Variants in MIPEP observed in about 807,000 individuals in gnomAD.
MIPEP encodes the protein mitochondrial intermediate peptidase.
In MIPEP, 79 loss-of-function variants were observed where a neutral mutation model predicts 90.3. The observed-to-expected ratio is 0.87, with a 90% CI of 0.73 to 1.05. The LOEUF (loss-of-function observed/expected upper bound fraction) is 1.05. Among genes scored for constraint, MIPEP ranks in the 50% least tolerant of loss-of-function variants. The pLI, the probability that MIPEP is intolerant of heterozygous loss-of-function variation, is 0.00. For missense variants in MIPEP, 940 were observed against 905.6 expected (o/e 1.04, Z -0.49); for synonymous variants, 334 against 315.8 (o/e 1.06, Z -0.61).
chr13:23,746,956 C>T (rs1323175253), intron 18 of MIPEP, among the ~76,000 whole-genome samples: 1 of 152,188 alleles, frequency 6.6e-6, no homozygotes. Context: ...TTAGAGAAAA[C>T]TGTCAAAACA....
chr13:23,787,035 G>A (rs1327865100), intron 16 of MIPEP, among the ~76,000 whole-genome samples: 1 of 152,164 alleles, frequency 6.6e-6, no homozygotes, highest in East Asian at 1.9e-4. Context: ...GACAAACCAG[G>A]GGTGATGGGA....
At chr13:23,829,746 C>T (rs1466033427) in intron 14 of MIPEP, among the ~76,000 whole-genome samples, 3 of 151,988 alleles carry the variant, frequency 2.0e-5, no homozygotes, top group Non-Finnish European at 2.9e-5. Flanking sequence ...GTTTGAGGGG[C>T]CAGCCTGGGC....
intron 18 of MIPEP, among the ~76,000 whole-genome samples, chr13:23,732,885 T>C (rs1386480188): frequency 1.3e-5 from 2 of 152,204 alleles, no homozygotes; most frequent in Non-Finnish European, 2.9e-5. Flanking sequence ...GAAAGGTACA[T>C]TTGAGATTTT....
chr13:23,860,521 G>A (rs1003669927), intron 9 of MIPEP, among the ~76,000 whole-genome samples: 2 of 152,188 alleles, frequency 1.3e-5, no homozygotes, highest in Non-Finnish European at 2.9e-5. Flanking sequence ...GCTAGAGAAG[G>A]AGGCAAGGGC....
intron 16 of MIPEP, among the ~76,000 whole-genome samples, chr13:23,791,704 T>C (rs1952899569): frequency 1.1e-5 from 1 of 90,404 alleles, no homozygotes; most frequent in Non-Finnish European, 2.1e-5. Context: ...ATGAAATCAG[T>C]CAGTCAAGCA....
intron 16 of MIPEP, among the ~76,000 whole-genome samples, chr13:23,768,503 C>G (rs112174973): frequency 1.3e-5 from 2 of 152,252 alleles, no homozygotes; most frequent in Admixed American, 1.3e-4. Context: ...ATTGCTTGAG[C>G]CCAGGAATTT....
rs190339838 is a variant in MIPEP at position 23,797,111 on chromosome 13, G to T, written c.1848+8839C>A. Reference sequence around the variant, plus strand: ...TGGGTTTTGCTGGTACTTGAGAAAAGGCTGTTCCAATGAGAACATCATGCC... The same window carrying T: ...TGGGTTTTGCTGGTACTTGAGAAAATGCTGTTCCAATGAGAACATCATGCC... On this transcript the variant is annotated intron_variant, in intron 16 of 18. Coordinates refer to ENST00000382172, the MANE Select transcript of MIPEP (RefSeq NM_005932.4). Among the ~76,000 whole-genome samples the T allele has an allele frequency of 7.6e-4, 116 of 152,226 alleles. 1 individual carries two copies. The highest frequency in any genetic ancestry group is 3.4e-3 in the Middle Eastern group (1 of 294).
intron 10 of MIPEP, among the ~76,000 whole-genome samples, chr13:23,852,005 G>C (rs1263691687): frequency 2.6e-5 from 4 of 152,236 alleles, no homozygotes; most frequent in Admixed American, 2.0e-4. Context: ...CTAGTGAAAT[G>C]ATGCCACAAG....
At position 23,870,776 on chromosome 13, in the gene MIPEP, G is replaced by A. The variant is rs530040306; in HGVS notation, c.604-581C>T. Among the ~76,000 whole-genome samples, 4 of 152,274 alleles carry A rather than the reference G, an allele frequency of 2.6e-5. No individual in the cohort carries two copies. The East Asian group carries it at 5.8e-4, about 22-fold the overall frequency. ...GCCGAGATCGCACCACTGTACTCCAGCCTGTGAGACAGAGGGAGACTCTGT... is the reference window on the plus strand; with the variant it reads ...GCCGAGATCGCACCACTGTACTCCAACCTGTGAGACAGAGGGAGACTCTGT... On this transcript the variant is annotated intron_variant, in intron 5 of 18. Coordinates refer to ENST00000382172, the MANE Select transcript of MIPEP (RefSeq NM_005932.4).
intron 14 of MIPEP, among the ~76,000 whole-genome samples, chr13:23,833,145 TTTCC>T (rs1389515394): frequency 6.6e-6 from 1 of 152,224 alleles, no homozygotes; most frequent in Non-Finnish European, 1.5e-5. Context: ...CCTGTTATTT[TTTCC>T]TTGTGAGATT....
At chr13:23,806,720 CTAT>C (rs1566000362) in intron 15 of MIPEP, among the ~76,000 whole-genome samples, 1 of 104,768 alleles carries the variant, frequency 9.5e-6, no homozygotes, top group African/African-American at 4.8e-5. Flanking sequence ...AAATCTATAT[CTAT>C]CTATCTATCT....
chr13:23,848,794 T>A (rs1198805911), intron 10 of MIPEP, among the ~76,000 whole-genome samples: 1 of 152,094 alleles, frequency 6.6e-6, no homozygotes, highest in East Asian at 1.9e-4. Flanking sequence ...GCCTCAGCCA[T>A]CCAGAGCGAG....
chr13:23,826,454 G>C (rs1158258914), intron 14 of MIPEP, among the ~76,000 whole-genome samples: 1 of 151,964 alleles, frequency 6.6e-6, no homozygotes, highest in Non-Finnish European at 1.5e-5. Flanking sequence ...AAACTGCAAA[G>C]AATCAATACC....
At chr13:23,773,184 T>C (rs1433763353) in intron 16 of MIPEP, among the ~76,000 whole-genome samples, 2 of 152,350 alleles carry the variant, frequency 1.3e-5, no homozygotes, top group South Asian at 2.1e-4. Flanking sequence ...TCTGTCTCTA[T>C]GGATTTACCT....
At chr13:23,808,297 C>T (rs1242689076) in intron 15 of MIPEP, among the ~76,000 whole-genome samples, 1 of 152,070 alleles carries the variant, frequency 6.6e-6, no homozygotes, top group African/African-American at 2.4e-5. Context: ...GTTGGGGTTT[C>T]ACTGTGTTAG....
intron 16 of MIPEP, among the ~76,000 whole-genome samples, chr13:23,761,611 C>T (rs537894271): frequency 1.3e-5 from 2 of 152,298 alleles, no homozygotes; most frequent in East Asian, 3.9e-4. Flanking sequence ...AAAACATCTC[C>T]ATTCCAATTC....
At chr13:23,826,158 T>G (rs1868443339) in intron 14 of MIPEP, among the ~76,000 whole-genome samples, 1 of 152,136 alleles carries the variant, frequency 6.6e-6, no homozygotes. Flanking sequence ...AACTATGCTT[T>G]TATGCATCTA....
At chr13:23,760,498 T>C in intron 16 of MIPEP, 3 of 612,946 alleles carry the variant, frequency 4.9e-6, no homozygotes, top group South Asian at 4.2e-5. Flanking sequence ...TAAGTAAAAG[T>C]GAAGCTCTTA....
At chr13:23,849,268 T>C (rs1185300329) in intron 10 of MIPEP, among the ~76,000 whole-genome samples, 1 of 152,204 alleles carries the variant, frequency 6.6e-6, no homozygotes, top group African/African-American at 2.4e-5. Context: ...GAAAGCACCA[T>C]GGGCAGCATA....
Sources: gnomAD v4.1 joint callset for allele counts (sites outside exome capture counted in the v4.1 genomes callset) on GRCh38, gnomAD v4.1.1 for gene constraint, MANE v1.5 for transcripts, NCBI Gene and HGNC (gene_info 2026-07-23, HGNC 2026-07-21) for gene names.